PTCHD4: variants seen among roughly 807,000 people sequenced by gnomAD.
PTCHD4 encodes the protein patched domain containing 4.
PTCHD4 carries 33 observed loss-of-function variants against 58.1 expected under a neutral mutation model. That is an observed-to-expected ratio of 0.57 (90% CI 0.43 to 0.76). The LOEUF is 0.76. PTCHD4 is among the 30% of genes least tolerant of loss of function. The probability of loss-of-function intolerance (pLI) is 0.00; values close to 1 mark genes in which losing one functional copy is unlikely to be tolerated. For synonymous variants in PTCHD4, 478 were observed against 409.6 expected (o/e 1.17, Z -2.02); for missense variants, 1,058 against 1,027.1 (o/e 1.03, Z -0.41).
At chr6:47,968,129 C>T (rs1462383461) in intron 4 of PTCHD4, among the ~76,000 whole-genome samples, 1 of 152,100 alleles carries the variant, frequency 6.6e-6, no homozygotes, top group Non-Finnish European at 1.5e-5. Context: ...CTTCTTTTTA[C>T]TGAACACATA....
At chr6:47,964,129 G>A (rs1354376490) in intron 4 of PTCHD4, among the ~76,000 whole-genome samples, 1 of 152,160 alleles carries the variant, frequency 6.6e-6, no homozygotes, top group Non-Finnish European at 1.5e-5. Context: ...GAGTAGAATA[G>A]TGATTGGCAG....
In PTCHD4 at chr6:47,879,602, G is replaced by T; in HGVS notation, c.1233C>A (p.Tyr411Ter). The stretch of plus-strand genomic sequence containing the variant: ...GGAACCACACAGGTTTGCGATCCAG[G>T]TATTCTGCAGAAGGGATCTTACAGC... Reference protein sequence around the residue: ...IFCCKIPSAEYLDRKPVWFQT... With the variant: ...IFCCKIPSAE Residue 411 changes from tyrosine to a stop codon, truncating the protein, a stop_gained, in exon 5 of 5, where the codon TAC (tyrosine) becomes TAA (stop). Transcript: ENST00000339488. LOFTEE classifies it high-confidence loss of function. The T allele has an allele frequency of 5.0e-6, 8 of 1,613,710 alleles. No individual in the cohort carries two copies. The highest frequency in any genetic ancestry group is 6.8e-6 in the Non-Finnish European group (8 of 1,179,766).
Position 47,869,675 on chromosome 6 carries a change from T to C in PTCHD4, c.*8628A>G, listed in dbSNP as rs1561929031. Among the ~76,000 whole-genome samples the C allele has an allele frequency of 3.3e-5, 5 of 151,822 alleles. No individual in the cohort carries two copies. Among genetic ancestry groups the C allele is most frequent in the Admixed American group, 2.0e-4 (3 of 15,216 alleles). The stretch of plus-strand genomic sequence containing the variant: ...CTTAACCACGGAGAGATAATTGATA[T>C]ATATCATCACAGTATTATTTTAATG... On this transcript the variant is annotated 3_prime_UTR_variant, in exon 5 of 5. Coordinates refer to ENST00000339488, the MANE Select transcript of PTCHD4 (RefSeq NM_001384253.1).
chr6:47,994,210 T>C (rs957658633), intron 4 of PTCHD4, among the ~76,000 whole-genome samples: 1 of 151,812 alleles, frequency 6.6e-6, no homozygotes, highest in African/African-American at 2.4e-5. Context: ...AGAGCAAAGA[T>C]GAGAAAAGAG....
intron 4 of PTCHD4, among the ~76,000 whole-genome samples, chr6:47,925,118 AT>A (rs962682166): frequency 4.0e-5 from 6 of 150,198 alleles, no homozygotes; most frequent in South Asian, 2.1e-4. Context: ...ATATGTATAC[AT>A]TTTATATATG....
At position 47,876,170 on chromosome 6, in the gene PTCHD4, G is replaced by T. The variant is rs143530310; in HGVS notation, c.*2133C>A. 6.6e-6 allele frequency among the ~76,000 whole-genome samples: 1 copy of T among 151,476 alleles called. No homozygotes were observed. The highest frequency in any genetic ancestry group is 2.4e-5 in the African/African-American group (1 of 41,272). ...TGAGATCATGGTCTGGAGGCTACTC[G>T]TACCAAATACCAGTTCATTCTAGTA... is the stretch of plus-strand genomic sequence containing the variant. On this transcript the variant is annotated 3_prime_UTR_variant, in exon 5 of 5. Transcript: ENST00000339488.
In PTCHD4 at chr6:48,027,563, G is replaced by GT. The variant is rs574486518; in HGVS notation, c.418-18450dup. Among the ~76,000 whole-genome samples, 15 of 152,206 alleles carry GT rather than the reference G, an allele frequency of 9.9e-5. No homozygotes were observed. In the South Asian group the frequency reaches 3.1e-3, roughly 32 times the overall value. On this transcript the variant is annotated intron_variant, in intron 3 of 4. Transcript: ENST00000339488. ...ACTTGCAACTTTAGAGTTATGCTAA[G>GT]TAACAGATATTTATTATAAATCTAG...
At chr6:48,081,063 G>T (rs905843626) in intron 1 of PTCHD4, among the ~76,000 whole-genome samples, 3 of 152,082 alleles carry the variant, frequency 2.0e-5, no homozygotes, top group Admixed American at 6.6e-5. Flanking sequence ...AAGAGGCATG[G>T]AAACCACGTT....
intron 3 of PTCHD4, among the ~76,000 whole-genome samples, chr6:48,057,398 C>A (rs1345869308): frequency 6.6e-6 from 1 of 152,110 alleles, no homozygotes; most frequent in South Asian, 2.1e-4. Flanking sequence ...CTGGTTATAT[C>A]CTCCCAGGCA....
intron 4 of PTCHD4, among the ~76,000 whole-genome samples, chr6:47,943,091 C>A (rs1766294147): frequency 6.6e-6 from 1 of 152,066 alleles, no homozygotes; most frequent in Non-Finnish European, 1.5e-5. Flanking sequence ...CAAGATGGTT[C>A]TTTAGAGCAT....
rs1353423591 is a variant in PTCHD4 at position 47,880,618 on chromosome 6, A to G, written c.899-682T>C. The stretch of plus-strand genomic sequence containing the variant: ...AGCAAGCACTTCCTTTGGGCTCCTC[A>G]TAGAGCTCTGATTCACGTGAGATGG... On this transcript the variant is annotated intron_variant, in intron 4 of 4. Coordinates refer to ENST00000339488, the MANE Select transcript of PTCHD4 (RefSeq NM_001384253.1). Among the ~76,000 whole-genome samples the G allele has an allele frequency of 2.0e-5, 3 of 152,130 alleles. No individual in the cohort carries two copies. The East Asian group carries it at 5.8e-4, about 29-fold the overall frequency.
chr6:47,894,185 G>A (rs560356225), intron 4 of PTCHD4, among the ~76,000 whole-genome samples: 1 of 152,318 alleles, frequency 6.6e-6, no homozygotes, highest in Admixed American at 6.5e-5. Context: ...GTACAGTACA[G>A]GCTTCCTTTC....
At chr6:48,094,176 A>G (rs1008101810) in intron 1 of PTCHD4, among the ~76,000 whole-genome samples, 1 of 152,226 alleles carries the variant, frequency 6.6e-6, no homozygotes, top group African/African-American at 2.4e-5. Flanking sequence ...AAAGGAATGT[A>G]TTCTACCAGT....
intron 1 of PTCHD4, among the ~76,000 whole-genome samples, chr6:48,102,830 C>G (rs903336259): frequency 6.6e-6 from 1 of 152,222 alleles, no homozygotes; most frequent in Non-Finnish European, 1.5e-5. Context: ...TCGGAGGGTC[C>G]TATGCCCACA....
chr6:48,050,334 G>A (rs959718598), intron 3 of PTCHD4, among the ~76,000 whole-genome samples: 1 of 151,890 alleles, frequency 6.6e-6, no homozygotes, highest in Admixed American at 6.6e-5. Flanking sequence ...TGAATTTGAT[G>A]ATACAGTAAA....
At chr6:48,027,156 A>T (rs138045103) in intron 3 of PTCHD4, among the ~76,000 whole-genome samples, 4 of 152,148 alleles carry the variant, frequency 2.6e-5, no homozygotes, top group Non-Finnish European at 5.9e-5. Context: ...CTACATCCAG[A>T]TAACACTACC....
At chr6:47,985,238 T>C (rs1464969440) in intron 4 of PTCHD4, among the ~76,000 whole-genome samples, 1 of 152,048 alleles carries the variant, frequency 6.6e-6, no homozygotes, top group African/African-American at 2.4e-5. Context: ...GCTGATAGAA[T>C]TGATTCTCTA....
At chr6:48,019,094 C>T (rs1465160672) in intron 3 of PTCHD4, among the ~76,000 whole-genome samples, 1 of 152,200 alleles carries the variant, frequency 6.6e-6, no homozygotes, top group Non-Finnish European at 1.5e-5. Flanking sequence ...AAAACATCCT[C>T]ATGGAAACAA....
chr6:47,981,843 A>G (rs1767892235), intron 4 of PTCHD4, among the ~76,000 whole-genome samples: 1 of 152,182 alleles, frequency 6.6e-6, no homozygotes. Context: ...TCCCTAGATT[A>G]GGAGATACTC....
Sources: gnomAD v4.1 joint callset for allele counts (sites outside exome capture counted in the v4.1 genomes callset) on GRCh38, gnomAD v4.1.1 for gene constraint, MANE v1.5 for transcripts, NCBI Gene and HGNC (gene_info 2026-07-23, HGNC 2026-07-21) for gene names.